The following SLC9A1 variants were observed in gnomAD, a reference collection of about 807,000 sequenced individuals.
The protein encoded by SLC9A1 is solute carrier family 9 member A1.
Under a neutral mutation model 67.9 loss-of-function variants are expected in SLC9A1, and 22 were observed. The ratio of observed to expected loss-of-function variants is 0.32; its 90% CI spans 0.23 to 0.46. The LOEUF is 0.46. SLC9A1 is among the 20% of genes least tolerant of loss of function. SLC9A1 has a pLI of 1.00. For synonymous variants in SLC9A1, 421 were observed against 471.8 expected, an observed-to-expected ratio of 0.89 and a Z score of 1.40; for missense variants, 686 against 1,094.8, an observed-to-expected ratio of 0.63 and a Z score of 5.27.
Position 27,100,141 on chromosome 1 carries a change from G to T in SLC9A1, c.*166C>A. ...GTGGGGAGGATGCTTCCCGGGAGGCGGCAGGGGAGGAGCTGTGCTGGGGTG... is the reference window on the plus strand; with the variant it reads ...GTGGGGAGGATGCTTCCCGGGAGGCTGCAGGGGAGGAGCTGTGCTGGGGTG... On this transcript the variant is annotated 3_prime_UTR_variant, in exon 12 of 12. Coordinates refer to ENST00000263980, the MANE Select transcript of SLC9A1 (RefSeq NM_003047.5). This position sits in a 1 kb window ranked among gnomAD's most constrained non-coding sequence, Gnocchi z 5.6. 2.0e-6 allele frequency: 1 copy of T among 492,570 alleles called. No individual in the cohort carries two copies. The highest frequency in any genetic ancestry group is 3.5e-6 in the Non-Finnish European group (1 of 284,874). The allele number at this position is 492,570 out of a possible 1,614,324, so 30.5% of individuals were successfully genotyped here.
At position 27,154,903 on chromosome 1, in the gene SLC9A1, G is replaced by C. The variant is rs2083555846; in HGVS notation, c.-569C>G. 1 of 152,350 alleles carries C rather than the reference G, an allele frequency of 6.6e-6. No individual in the cohort carries two copies. The highest frequency in any genetic ancestry group is 1.5e-5 in the Non-Finnish European group (1 of 68,154). 9.4% of individuals were successfully genotyped at this position (152,350 alleles called of 1,614,324 possible). ...CACCCAGAGAGGGGCAGGGGTCCAG[G>C]CGCGCCGGGCTGAGATTCCGGGGAA... On this transcript the variant is annotated 5_prime_UTR_variant, in exon 1 of 12. Transcript: ENST00000263980.
Position 27,109,509 on chromosome 1 carries a change from T to C in SLC9A1, c.1064+18A>G. On this transcript the variant is annotated intron_variant, in intron 3 of 11. Coordinates refer to ENST00000263980, the MANE Select transcript of SLC9A1 (RefSeq NM_003047.5). The surrounding 1 kb of genome is among the most constrained non-coding windows in gnomAD (Gnocchi z 5.5). ...CCCCCACCCCGCCAAGCCCACTGCC[T>C]GCTGCACGCAGACTCACGCCATGAT... 5 of 1,490,416 alleles carry C rather than the reference T, an allele frequency of 3.4e-6. No individual in the cohort carries two copies. Among genetic ancestry groups the C allele is most frequent in the Non-Finnish European group, 4.6e-6 (5 of 1,092,182 alleles). The allele number at this position is 1,490,416 out of a possible 1,614,324, so 92.3% of individuals were successfully genotyped here. A position where few individuals can be genotyped will look rare whatever the true frequency, so the allele number is the denominator to read the frequency against.
At position 27,106,185 on chromosome 1, in the gene SLC9A1, TC is replaced by T; in HGVS notation, c.1283-99del. 2.5e-6 allele frequency: 2 copies of T among 804,178 alleles called. No individual in the cohort carries two copies. The highest frequency in any genetic ancestry group is 4.1e-6 in the Non-Finnish European group (2 of 492,282). The allele number at this position is 804,178 out of a possible 1,614,324, so 49.8% of individuals were successfully genotyped here. Reference sequence around the variant, plus strand: ...GATTTCTCTGTGCATCCAGGAAGTCTCCATTACGAAGCCCACCCCGCTCACT... The same window carrying T: ...GATTTCTCTGTGCATCCAGGAAGTCTCATTACGAAGCCCACCCCGCTCACT... On this transcript the variant is annotated intron_variant, in intron 4 of 11. Transcript: ENST00000263980. This position sits in a 1 kb window ranked among gnomAD's most constrained non-coding sequence, Gnocchi z 4.3.
intron 1 of SLC9A1, among the ~76,000 whole-genome samples, chr1:27,142,701 G>A (rs1423116310): frequency 6.6e-6 from 1 of 152,210 alleles, no homozygotes; most frequent in Non-Finnish European, 1.5e-5. Flanking sequence ...AGCAGACCCA[G>A]AGGGCATAAA....
intron 1 of SLC9A1, among the ~76,000 whole-genome samples, chr1:27,120,463 G>T (rs2083297643): frequency 6.6e-6 from 1 of 151,776 alleles, no homozygotes; most frequent in African/African-American, 2.4e-5. Context: ...GCCAGCTGGG[G>T]GTGGCAGCTC....
chr1:27,107,996 C>T, intron 3 of SLC9A1, 131 bp from the exon 4 acceptor site: 1 of 661,760 alleles, frequency 1.5e-6, no homozygotes. Flanking sequence ...CAGGGGCCCG[C>T]TGTGTGCTTT....
At chr1:27,135,145 G>A (rs2083411454) in intron 1 of SLC9A1, among the ~76,000 whole-genome samples, 1 of 151,212 alleles carries the variant, frequency 6.6e-6, no homozygotes, top group African/African-American at 2.4e-5. Flanking sequence ...GACCTCTTGA[G>A]CTCAAGCAAT....
intron 2 of SLC9A1, among the ~76,000 whole-genome samples, chr1:27,112,120 A>T (rs1477997447): frequency 6.6e-6 from 1 of 152,206 alleles, no homozygotes; most frequent in Non-Finnish European, 1.5e-5. Context: ...CAGGCTGAGT[A>T]CTGCAATCCC....
At chr1:27,138,462 G>T (rs1426787930) in intron 1 of SLC9A1, among the ~76,000 whole-genome samples, 2 of 151,322 alleles carry the variant, frequency 1.3e-5, no homozygotes, top group Non-Finnish European at 2.9e-5. Context: ...CTGACATCAG[G>T]AGCCTCTTCT....
intron 1 of SLC9A1, among the ~76,000 whole-genome samples, chr1:27,138,228 C>T (rs771873139): frequency 5.3e-5 from 8 of 152,220 alleles, no homozygotes; most frequent in Non-Finnish European, 1.0e-4. Context: ...CCTCTTCCCC[C>T]GCACTTCAGG....
At position 27,122,475 on chromosome 1, in the gene SLC9A1, G is replaced by C. The variant is rs138437512; in HGVS notation, c.353-8189C>G. ...CTGCAGCCAGCCTGGAAATGAGAGT[G>C]AACAGTGCAGGAGATGCTGGCACAC... On this transcript the variant is annotated intron_variant, in intron 1 of 11. Coordinates refer to ENST00000263980, the MANE Select transcript of SLC9A1 (RefSeq NM_003047.5). 1.7e-3 allele frequency among the ~76,000 whole-genome samples: 255 copies of C among 152,324 alleles called. 1 individual carries two copies. Among genetic ancestry groups the C allele is most frequent in the African/African-American group, 5.6e-3 (234 of 41,574 alleles).
chr1:27,119,579 C>T (rs1260073761), intron 1 of SLC9A1, among the ~76,000 whole-genome samples: 5 of 152,118 alleles, frequency 3.3e-5, no homozygotes, highest in African/African-American at 4.8e-5. Flanking sequence ...CAGTTTACAG[C>T]GGCACACTCT....
At chr1:27,146,684 TG>T (rs913505965) in intron 1 of SLC9A1, among the ~76,000 whole-genome samples, 1 of 151,252 alleles carries the variant, frequency 6.6e-6, no homozygotes, top group African/African-American at 2.4e-5. Context: ...GAGGCTGAGG[TG>T]GGGGGATTGC....
At chr1:27,103,459 C>T in intron 5 of SLC9A1, 147 bp from the exon 6 acceptor site, 2 of 680,764 alleles carry the variant, frequency 2.9e-6, no homozygotes, top group Non-Finnish European at 5.4e-6. Context: ...GAGAACTCTC[C>T]CACCTCCCAG....
chr1:27,131,947 A>AATATATATATAT lies in SLC9A1; in HGVS notation c.353-17673_353-17662dup, dbSNP rs71010329. Among the ~76,000 whole-genome samples, 24 of 52,092 alleles carry AATATATATATAT rather than the reference A, an allele frequency of 4.6e-4. No homozygotes were observed. The South Asian group carries it at 7.4e-3, about 16-fold the overall frequency. The allele number at this position is 52,092 out of a possible 152,430, so 34.2% of individuals were successfully genotyped here. ...AAAAGAAGAAGAAGAAGAAAAAAAA[A>AATATATATATAT]ATATATATATATATATATATATATA... On this transcript the variant is annotated intron_variant, in intron 1 of 11. Transcript: ENST00000263980.
At chr1:27,132,462 G>A (rs1304263377) in intron 1 of SLC9A1, among the ~76,000 whole-genome samples, 1 of 151,978 alleles carries the variant, frequency 6.6e-6, no homozygotes, top group Admixed American at 6.6e-5. Flanking sequence ...AAGGTCACCC[G>A]GTTCCACTGC....
chr1:27,109,739 T>G lies in SLC9A1; in HGVS notation c.852A>C (p.Glu284Asp), dbSNP rs2083215040. 1.2e-6 allele frequency: 2 copies of G among 1,613,822 alleles called. No homozygotes were observed. The highest frequency in any genetic ancestry group is 2.2e-5 in the East Asian group (1 of 44,866). ...GGAAGATGTCCACGATGCCCACGTG[T>G]TCGTAGTTGGCAAACTCCTCAAAGA... ...YHLFEEFANY[E>D]HVGIVDIFLG... Residue 284 changes from glutamate to aspartate, a missense_variant, in exon 3 of 12, where the codon GAA becomes GAC. Physicochemically the swap from Glu to Asp is conservative, Grantham distance 45 (BLOSUM62 2). Transcript: ENST00000263980. The surrounding 1 kb of genome is among the most constrained non-coding windows in gnomAD (Gnocchi z 5.5).
rs962750980 is a variant in SLC9A1 at position 27,099,098 on chromosome 1, C to T, written c.*1209G>A. The T allele has an allele frequency of 6.6e-6, 1 of 152,592 alleles. No homozygotes were observed. Among genetic ancestry groups the T allele is most frequent in the Non-Finnish European group, 1.5e-5 (1 of 68,162 alleles). 9.5% of individuals were successfully genotyped at this position (152,592 alleles called of 1,614,324 possible). On this transcript the variant is annotated 3_prime_UTR_variant, in exon 12 of 12. Transcript: ENST00000263980. ...GTGTGTGGGCAAAGGTCTCTGGGGG[C>T]CCAGGATTCTGCCCAATCCACCAGC...
At position 27,114,352 on chromosome 1, in the gene SLC9A1, G is replaced by A. The variant is rs1253991555; in HGVS notation, c.353-66C>T. On this transcript the variant is annotated intron_variant, in intron 1 of 11. Coordinates refer to ENST00000263980, the MANE Select transcript of SLC9A1 (RefSeq NM_003047.5). The surrounding 1 kb of genome is among the most constrained non-coding windows in gnomAD (Gnocchi z 5.4). Reference sequence around the variant, plus strand: ...GGAGCCAGGAGAATAGAAGGTTGGGGATGGGCCGGGGATGAGGAGCGCAGT... The same window carrying A: ...GGAGCCAGGAGAATAGAAGGTTGGGAATGGGCCGGGGATGAGGAGCGCAGT... 2.9e-6 allele frequency: 4 copies of A among 1,365,540 alleles called. No homozygotes were observed. In the African/African-American group the frequency reaches 4.3e-5, roughly 15 times the overall value. The allele number at this position is 1,365,540 out of a possible 1,614,324, so 84.6% of individuals were successfully genotyped here.
Sources: gnomAD v4.1 joint callset for allele counts (sites outside exome capture counted in the v4.1 genomes callset) on GRCh38, gnomAD v4.1.1 for gene constraint, Gnocchi (gnomAD v3.1) non-coding constraint, MANE v1.5 for transcripts, NCBI Gene and HGNC (gene_info 2026-07-23, HGNC 2026-07-21) for gene names.